TTLL6: variants seen among roughly 807,000 people sequenced by gnomAD.
TTLL6 encodes tubulin polyglutamylase TTLL6.
Under a neutral mutation model 96.4 loss-of-function variants are expected in TTLL6, and 75 were observed. The observed-to-expected ratio is 0.78, with a 90% CI of 0.65 to 0.94. The LOEUF (loss-of-function observed/expected upper bound fraction) is 0.94. Ranked by LOEUF, TTLL6 falls within the 40% of genes least tolerant of loss-of-function variation. The pLI is 0.00. For synonymous variants in TTLL6, 411 were observed against 419.4 expected (o/e 0.98, Z 0.24); for missense variants, 1,030 against 1,093.0 (o/e 0.94, Z 0.81).
chr17:48,808,080 C>T (rs531364866), intron 1 of TTLL6, among the ~76,000 whole-genome samples: 2 of 152,006 alleles, frequency 1.3e-5, no homozygotes, highest in East Asian at 1.9e-4. Context: ...CCTCGTGATC[C>T]GCCTGCCTCG....
intron 13 of TTLL6, among the ~76,000 whole-genome samples, chr17:48,775,177 A>G (rs557487206): frequency 1.2e-3 from 180 of 152,222 alleles, no homozygotes; most frequent in Admixed American, 3.3e-3. Flanking sequence ...TGCAGAAAAC[A>G]AAAGAGAAAG....
At chr17:48,792,582 A>G (rs971068610) in intron 8 of TTLL6, among the ~76,000 whole-genome samples, 2 of 152,192 alleles carry the variant, frequency 1.3e-5, no homozygotes, top group African/African-American at 4.8e-5. Flanking sequence ...TGAGCATTTG[A>G]TAAGGGCCTT....
chr17:48,799,855 T>C (rs2039379957), intron 5 of TTLL6, 95 bp from the exon 6 acceptor site: 2 of 1,165,220 alleles, frequency 1.7e-6, no homozygotes, highest in Non-Finnish European at 2.4e-6. Context: ...AAAAGCTGTC[T>C]AATGTGACAA....
At position 48,785,125 on chromosome 17, in the gene TTLL6, G is replaced by A. The variant is rs2039064983; in HGVS notation, c.1838C>T (p.Thr613Ile). ...LSVRGERKNE[T>I]DSSLNQEAPT... is the part of the protein sequence containing the mutation. ...AGCCTCCTGGTTGAGGCTGCTGTCT[G>A]TTTCATTTTTCCTTTCACCTCTGAC... Residue 613 changes from threonine (T) to isoleucine (I), a missense_variant, in exon 13 of 16, where the codon ACA becomes ATA. Transcript: ENST00000393382. The A allele has an allele frequency of 1.9e-6, 3 of 1,614,162 alleles. No individual in the cohort carries two copies. Among genetic ancestry groups the A allele is most frequent in the Non-Finnish European group, 2.5e-6 (3 of 1,180,040 alleles).
intron 8 of TTLL6, 31 bp downstream of exon 8, chr17:48,796,029 GA>G: frequency 6.5e-7 from 1 of 1,529,470 alleles, no homozygotes; most frequent in Non-Finnish European, 8.9e-7. Flanking sequence ...GGTTGGTAGG[GA>G]AAGGAAAGAA....
At position 48,769,735 on chromosome 17, in the gene TTLL6, G is replaced by A. The variant is rs377080812; in HGVS notation, c.2403C>T (p.Asn801=). ...AHYNPKLGMN[N]LSQNPSLPGE... is the part of the protein sequence containing the mutation. ...GTACACACTGGCACTCACGTGACAG[G>A]TTATTCATCCCCAGCTTGGGGTTGT... Residue 801 remains asparagine (N), a synonymous_variant, in exon 14 of 16, where the codon AAC becomes AAT. Coordinates refer to ENST00000393382, the MANE Select transcript of TTLL6 (RefSeq NM_001130918.3). 1.2e-6 allele frequency: 2 copies of A among 1,613,630 alleles called. No homozygotes were observed. The highest frequency in any genetic ancestry group is 1.3e-5 in the African/African-American group (1 of 74,910).
intron 3 of TTLL6, among the ~76,000 whole-genome samples, chr17:48,802,643 G>T (rs1370361961): frequency 1.3e-5 from 2 of 152,188 alleles, no homozygotes; most frequent in African/African-American, 4.8e-5. Context: ...TGCCAAGGTG[G>T]GCGGATCACC....
At chr17:48,787,700 T>C (rs1204763186) in intron 11 of TTLL6, 111 bp downstream of exon 11, 2 of 1,149,366 alleles carry the variant, frequency 1.7e-6, no homozygotes, top group Non-Finnish European at 2.5e-6. Context: ...CTGGTTGCTC[T>C]GGCAACTTTC....
chr17:48,764,107 G>A (rs2038545463), intron 15 of TTLL6, among the ~76,000 whole-genome samples: 3 of 152,060 alleles, frequency 2.0e-5, no homozygotes, highest in Admixed American at 2.0e-4. Flanking sequence ...CTGCACTCCA[G>A]CCTGGATGAC....
At chr17:48,816,889 A>G in intron 1 of TTLL6, 81 bp downstream of exon 1, 2 of 1,092,518 alleles carry the variant, frequency 1.8e-6, no homozygotes, top group Non-Finnish European at 2.5e-6. Flanking sequence ...GTTTAAGGAG[A>G]CGTGTCTAGC....
At chr17:48,781,042 CTATTTT>C (rs1183132463) in intron 13 of TTLL6, among the ~76,000 whole-genome samples, 4 of 150,364 alleles carry the variant, frequency 2.7e-5, no homozygotes, top group Non-Finnish European at 5.9e-5. Context: ...TAGGGTAATT[CTATTTT>C]TAATTTTTTT....
intron 13 of TTLL6, among the ~76,000 whole-genome samples, chr17:48,771,982 G>A (rs2038757113): frequency 6.6e-6 from 1 of 152,142 alleles, no homozygotes; most frequent in Non-Finnish European, 1.5e-5. Flanking sequence ...GGCTGAGGCA[G>A]AGGAATCACT....
Position 48,810,825 on chromosome 17 carries a change from G to GCATA in TTLL6, c.104-5835_104-5834insTATG, listed in dbSNP as rs1555569645. Among the ~76,000 whole-genome samples, 55 of 84,340 alleles carry GCATA rather than the reference G, an allele frequency of 6.5e-4. 2 individuals carry two copies. Among genetic ancestry groups the GCATA allele is most frequent in the Non-Finnish European group, 1.0e-3 (42 of 40,120 alleles). The allele number at this position is 84,340 out of a possible 152,430, so 55.3% of individuals were successfully genotyped here. ...ATATACACATATATAGTATGTGTGT[G>GCATA]TATATATATATATATATATATATAT... On this transcript the variant is annotated intron_variant, in intron 1 of 15. Transcript: ENST00000393382.
chr17:48,783,252 GC>G (rs1715621795), intron 13 of TTLL6, among the ~76,000 whole-genome samples: 1 of 151,944 alleles, frequency 6.6e-6, no homozygotes, highest in Admixed American at 6.6e-5. Flanking sequence ...CCAAATGAAG[GC>G]CCAACAATGC....
chr17:48,811,562 C>CT (rs778151397), intron 1 of TTLL6, among the ~76,000 whole-genome samples: 5 of 152,114 alleles, frequency 3.3e-5, no homozygotes, highest in Non-Finnish European at 2.9e-5. Flanking sequence ...AAACGCAGCC[C>CT]ACTTCTTTCA....
chr17:48,796,937 G>A (rs866340854), intron 7 of TTLL6, 124 bp downstream of exon 7: 4 of 1,134,292 alleles, frequency 3.5e-6, no homozygotes, highest in Middle Eastern at 2.2e-4. Context: ...AATGAAACCC[G>A]GCACATAGCA....
In TTLL6 at chr17:48,789,202, T is replaced by A. The variant is rs1206929701; in HGVS notation, c.1400+729A>T. 2.2e-4 allele frequency among the ~76,000 whole-genome samples: 33 copies of A among 152,176 alleles called. 1 individual carries two copies. Among genetic ancestry groups the A allele is most frequent in the Admixed American group, 6.5e-5 (1 of 15,274 alleles). On this transcript the variant is annotated intron_variant, in intron 10 of 15. Coordinates refer to ENST00000393382, the MANE Select transcript of TTLL6 (RefSeq NM_001130918.3). ...TATTAATTAATTTCTATCCATTATA[T>A]ATAGCTATATATCTGTAACTTAATC...
At chr17:48,804,094 G>A (rs1294702890) in intron 2 of TTLL6, 166 bp from the exon 3 acceptor site, 4 of 676,898 alleles carry the variant, frequency 5.9e-6, no homozygotes, top group African/African-American at 3.6e-5. Context: ...GTCCAAGGGG[G>A]TACAGCATGG....
chr17:48,769,161 G>A lies in TTLL6; in HGVS notation c.2504C>T (p.Pro835Leu), dbSNP rs2038679972. 1 of 1,614,152 alleles carries A rather than the reference G, an allele frequency of 6.2e-7. No individual in the cohort carries two copies. Among genetic ancestry groups the A allele is most frequent in the Non-Finnish European group, 8.5e-7 (1 of 1,180,014 alleles). Residue 835 changes from proline to leucine, a missense_variant, in exon 15 of 16, where the codon CCT (proline) becomes CTT (leucine). Physicochemically the swap from Pro to Leu is moderately conservative, Grantham distance 98. Transcript: ENST00000393382. ...CCTCAGAGTAACATTATAGCTCTGA[G>A]GACTCTGCAAGAGGAGGGAGGACAC... ...LDVSSLLLQS[P>L]QSYNVTLRDL...
Sources: gnomAD v4.1 joint callset for allele counts (sites outside exome capture counted in the v4.1 genomes callset) on GRCh38, gnomAD v4.1.1 for gene constraint, MANE v1.5 for transcripts, NCBI Gene and HGNC (gene_info 2026-07-23, HGNC 2026-07-21) for gene names.